The following LRRC4C variants were observed in gnomAD, a reference collection of about 807,000 sequenced individuals.
LRRC4C encodes the protein leucine rich repeat containing 4C, also known as leucine-rich repeat-containing protein 4C.
A neutral mutation model predicts 33.6 loss-of-function variants in LRRC4C; 5 were observed. The observed-to-expected ratio is 0.15, with a 90% CI of 0.08 to 0.31. The LOEUF (loss-of-function observed/expected upper bound fraction) is 0.31, where lower values mean the gene tolerates loss of function less well. Ranked by LOEUF, LRRC4C falls within the 10% of genes least tolerant of loss-of-function variation. The pLI is 1.00. For missense variants in LRRC4C, 560 were observed against 796.7 expected (o/e 0.70, Z 3.58); for synonymous variants, 329 against 302.0 (o/e 1.09, Z -0.93).
At chr11:40,189,235 G>A (rs1311901966) in intron 5 of LRRC4C, among the ~76,000 whole-genome samples, 2 of 139,300 alleles carry the variant, frequency 1.4e-5, no homozygotes, top group African/African-American at 4.9e-5. Flanking sequence ...AATAGAATCT[G>A]CTAGGTTCTT....
At chr11:41,359,444 CA>C (rs34617138) in intron 1 of LRRC4C, among the ~76,000 whole-genome samples, 26,919 of 152,000 alleles carry the variant, frequency 0.18, 2,769 homozygotes, top group East Asian at 0.44. Context: ...AATATGAGGA[CA>C]GGGGGTACAT....
At chr11:41,195,339 T>C (rs1461438045) in intron 1 of LRRC4C, among the ~76,000 whole-genome samples, 1 of 151,958 alleles carries the variant, frequency 6.6e-6, no homozygotes, top group East Asian at 1.9e-4. Context: ...ACAATTCAGC[T>C]ATCGAAAAAA....
intron 1 of LRRC4C, among the ~76,000 whole-genome samples, chr11:41,036,021 G>A (rs1590313197): frequency 2.0e-5 from 3 of 151,922 alleles, no homozygotes; most frequent in African/African-American, 7.2e-5. Flanking sequence ...TGGAATTTAC[G>A]TTTAGGAGAA....
chr11:40,913,471 C>G (rs1423486941), intron 2 of LRRC4C, among the ~76,000 whole-genome samples: 1 of 151,998 alleles, frequency 6.6e-6, no homozygotes, highest in Non-Finnish European at 1.5e-5. Flanking sequence ...GAAATGAAGG[C>G]AGAAATAAAG....
intron 1 of LRRC4C, among the ~76,000 whole-genome samples, chr11:41,233,523 T>C (rs1468977643): frequency 6.6e-6 from 1 of 152,000 alleles, no homozygotes; most frequent in Non-Finnish European, 1.5e-5. Flanking sequence ...CAGGCTTGTA[T>C]AAACTGCATC....
intron 4 of LRRC4C, among the ~76,000 whole-genome samples, chr11:40,275,490 C>A (rs964763198): frequency 6.6e-6 from 1 of 152,136 alleles, no homozygotes; most frequent in African/African-American, 2.4e-5. Context: ...CACAACGGAG[C>A]CCACAGAAGC....
intron 1 of LRRC4C, among the ~76,000 whole-genome samples, chr11:41,029,914 A>G (rs1261919149): frequency 6.6e-6 from 1 of 151,858 alleles, no homozygotes; most frequent in Non-Finnish European, 1.5e-5. Context: ...GGTATGTAGG[A>G]AGAAAGTGAG....
chr11:40,316,932 T>C (rs1945603558), intron 4 of LRRC4C, among the ~76,000 whole-genome samples: 1 of 7,972 alleles, frequency 1.3e-4, no homozygotes, highest in Non-Finnish European at 9.3e-4. Flanking sequence ...TTTAGTTCCC[T>C]AATATGCTAA....
intron 1 of LRRC4C, among the ~76,000 whole-genome samples, chr11:41,413,102 G>C (rs1008649580): frequency 6.6e-6 from 1 of 151,116 alleles, no homozygotes; most frequent in East Asian, 1.9e-4. Context: ...AAATTGATTA[G>C]AGCAGGAAAG....
At chr11:41,125,813 G>A (rs986674465) in intron 1 of LRRC4C, among the ~76,000 whole-genome samples, 2 of 152,140 alleles carry the variant, frequency 1.3e-5, no homozygotes, top group Non-Finnish European at 2.9e-5. Context: ...AAAACTGAAA[G>A]AAAGGATGGT....
At chr11:40,256,372 T>C (rs187801373) in intron 4 of LRRC4C, among the ~76,000 whole-genome samples, 31 of 152,202 alleles carry the variant, frequency 2.0e-4, no homozygotes, top group African/African-American at 5.3e-4. Flanking sequence ...TCCTACAGGG[T>C]TGTGGGGAGT....
At chr11:40,757,536 A>G (rs1949012574) in intron 2 of LRRC4C, among the ~76,000 whole-genome samples, 1 of 149,316 alleles carries the variant, frequency 6.7e-6, no homozygotes, top group African/African-American at 2.5e-5. Context: ...TGTTTTGGCT[A>G]GTTATTTCTT....
chr11:40,887,155 G>T (rs940993988), intron 2 of LRRC4C, among the ~76,000 whole-genome samples: 1 of 151,398 alleles, frequency 6.6e-6, no homozygotes, highest in Non-Finnish European at 1.5e-5. Context: ...GGTCATCAAA[G>T]GAACTATTTG....
At chr11:40,878,704 T>C (rs1289361390) in intron 2 of LRRC4C, among the ~76,000 whole-genome samples, 2 of 152,200 alleles carry the variant, frequency 1.3e-5, no homozygotes, top group Admixed American at 1.3e-4. Context: ...TGACTTAACA[T>C]TTTATCTGCT....
At chr11:40,304,838 TCTC>T (rs1944951035) in intron 4 of LRRC4C, among the ~76,000 whole-genome samples, 1 of 151,896 alleles carries the variant, frequency 6.6e-6, no homozygotes, top group Non-Finnish European at 1.5e-5. Context: ...TTCAAGCAAT[TCTC>T]CTGCTTTCAC....
intron 1 of LRRC4C, among the ~76,000 whole-genome samples, chr11:41,131,873 C>G (rs1233979443): frequency 6.6e-6 from 1 of 152,074 alleles, no homozygotes; most frequent in South Asian, 2.1e-4. Context: ...CTTACAAATG[C>G]CATGACAACA....
chr11:41,032,119 G>T (rs1004755171), intron 1 of LRRC4C, among the ~76,000 whole-genome samples: 3 of 151,974 alleles, frequency 2.0e-5, no homozygotes, highest in Admixed American at 2.0e-4. Flanking sequence ...GGGAATTTTT[G>T]GGGAAAGCTG....
rs142483245 is a variant in LRRC4C, at chr11:40,733,717, G to A, written c.-406-85439C>T. Reference sequence around the variant, plus strand: ...TGGCCTTGCCCACTAATGTAGTAGCGACCTTTTAAAATAGATCTGATCCTA... The same window carrying A: ...TGGCCTTGCCCACTAATGTAGTAGCAACCTTTTAAAATAGATCTGATCCTA... On this transcript the variant is annotated intron_variant, in intron 2 of 6. Coordinates refer to ENST00000528697, the MANE Select transcript of LRRC4C (RefSeq NM_001258419.2). 2.9e-3 allele frequency among the ~76,000 whole-genome samples: 441 copies of A among 152,212 alleles called. 2 individuals carry two copies. Among genetic ancestry groups the A allele is most frequent in the Middle Eastern group, 0.01 (3 of 294 alleles).
At chr11:41,271,265 C>A (rs1299393132) in intron 1 of LRRC4C, among the ~76,000 whole-genome samples, 3 of 152,050 alleles carry the variant, frequency 2.0e-5, no homozygotes, top group Non-Finnish European at 4.4e-5. Flanking sequence ...GATCCTATCA[C>A]CCTCGTACTC....
Sources: allele counts gnomAD v4.1 joint callset (sites outside exome capture counted in the v4.1 genomes callset), GRCh38; gene constraint gnomAD v4.1.1; transcripts MANE v1.5; gene names NCBI Gene and HGNC (gene_info 2026-07-23, HGNC 2026-07-21).